The following SHCBP1L variants were observed in gnomAD, a reference collection of about 807,000 sequenced individuals.
SHCBP1L encodes SHC binding and spindle associated 1 like, also known as testicular spindle-associated protein SHCBP1L.
Under a neutral mutation model 62.5 loss-of-function variants are expected in SHCBP1L, and 67 were observed. That is an observed-to-expected ratio of 1.07 (90% CI 0.88 to 1.31). The LOEUF (loss-of-function observed/expected upper bound fraction) is 1.31, where lower values mean the gene tolerates loss of function less well. Among genes scored for constraint, SHCBP1L ranks in the 40% most tolerant of loss-of-function variants. The probability of loss-of-function intolerance (pLI) is 0.00; values close to 1 mark genes in which losing one functional copy is unlikely to be tolerated. For synonymous variants in SHCBP1L, 284 were observed against 289.4 expected, an observed-to-expected ratio of 0.98 and a Z score of 0.19; for missense variants, 823 against 809.8, an observed-to-expected ratio of 1.02 and a Z score of -0.20.
At chr1:182,935,065 A>C (rs560751973) in intron 5 of SHCBP1L, among the ~76,000 whole-genome samples, 3 of 152,106 alleles carry the variant, frequency 2.0e-5, no homozygotes, top group African/African-American at 7.2e-5. Flanking sequence ...CCATTAATCT[A>C]TTCTTTGACT....
At chr1:182,910,484 T>C (rs1650143915) in intron 6 of SHCBP1L, among the ~76,000 whole-genome samples, 1 of 152,222 alleles carries the variant, frequency 6.6e-6, no homozygotes, top group Non-Finnish European at 1.5e-5. Context: ...AGATGATATT[T>C]TTTTTCACCC....
In SHCBP1L at chr1:182,930,551, GTATATATATATATATA is replaced by G. The variant is rs10536791; in HGVS notation, c.1077-815_1077-800del. Among the ~76,000 whole-genome samples the G allele has an allele frequency of 2.5e-3, 122 of 49,462 alleles. 1 individual carries two copies. The highest frequency in any genetic ancestry group is 5.2e-3 in the African/African-American group (59 of 11,266). 32.4% of individuals were successfully genotyped at this position (49,462 alleles called of 152,430 possible). Reference sequence around the variant, plus strand: ...AAGAGGATGTGGCTTTAGTGTGTGTGTATATATATATATATATATATATATATATATATATATATAT... The same window carrying G: ...AAGAGGATGTGGCTTTAGTGTGTGTGTATATATATATATATATATATATAT... On this transcript the variant is annotated intron_variant, in intron 5 of 9. Coordinates refer to ENST00000367547, the MANE Select transcript of SHCBP1L (RefSeq NM_030933.4).
intron 2 of SHCBP1L, among the ~76,000 whole-genome samples, 190 bp from the exon 3 acceptor site, chr1:182,940,733 TTAAA>T (rs778104839): frequency 6.6e-5 from 10 of 152,322 alleles, no homozygotes; most frequent in Admixed American, 2.0e-4. Flanking sequence ...ACCCTACTTC[TTAAA>T]TACATTTTTT....
At chr1:182,924,942 G>GA (rs1557997107) in intron 6 of SHCBP1L, among the ~76,000 whole-genome samples, 1 of 104,558 alleles carries the variant, frequency 9.6e-6, no homozygotes, top group African/African-American at 4.3e-5. Context: ...AAGGAAGAAA[G>GA]AAAGAAAGAA....
At chr1:182,933,790 G>C (rs984604593) in intron 5 of SHCBP1L, among the ~76,000 whole-genome samples, 1 of 152,022 alleles carries the variant, frequency 6.6e-6, no homozygotes, top group African/African-American at 2.4e-5. Context: ...ATTCGTGTAG[G>C]TTTTCTTTTC....
chr1:182,919,709 A>G (rs2101931744), intron 6 of SHCBP1L, among the ~76,000 whole-genome samples: 1 of 152,344 alleles, frequency 6.6e-6, no homozygotes, highest in Non-Finnish European at 1.5e-5. Flanking sequence ...AATTATAAGC[A>G]TAAAACTGGA....
chr1:182,918,193 T>C (rs573063311), intron 6 of SHCBP1L, among the ~76,000 whole-genome samples: 10 of 147,206 alleles, frequency 6.8e-5, no homozygotes, highest in Non-Finnish European at 1.2e-4. Context: ...TATATACACA[T>C]ATATATACAT....
At chr1:182,937,657 T>C (rs1651223975) in intron 5 of SHCBP1L, among the ~76,000 whole-genome samples, 1 of 152,220 alleles carries the variant, frequency 6.6e-6, no homozygotes, top group Non-Finnish European at 1.5e-5. Flanking sequence ...ACACATATGT[T>C]AACACCTTTT....
At chr1:182,925,141 T>C (rs1650703038) in intron 6 of SHCBP1L, among the ~76,000 whole-genome samples, 1 of 151,762 alleles carries the variant, frequency 6.6e-6, no homozygotes, top group African/African-American at 2.4e-5. Flanking sequence ...AGGGATCACA[T>C]ATGAAATAGT....
intron 6 of SHCBP1L, among the ~76,000 whole-genome samples, chr1:182,924,711 A>AGAAG (rs1650632644): frequency 2.3e-5 from 1 of 43,794 alleles, no homozygotes; most frequent in African/African-American, 2.1e-4. Context: ...GAAGAAAGAA[A>AGAAG]GAAAGAAAGA....
At chr1:182,927,114 A>G (rs1224640039) in intron 6 of SHCBP1L, among the ~76,000 whole-genome samples, 2 of 107,044 alleles carry the variant, frequency 1.9e-5, no homozygotes, top group South Asian at 3.1e-4. Context: ...ATATATATAT[A>G]CTCTCTCTCT....
Position 182,905,649 on chromosome 1 carries a change from T to A in SHCBP1L, c.1183A>T (p.Ile395Leu), listed in dbSNP as rs756270665. 3.1e-6 allele frequency: 5 copies of A among 1,609,134 alleles called. No individual in the cohort carries two copies. The highest frequency in any genetic ancestry group is 4.2e-6 in the Non-Finnish European group (5 of 1,178,868). Residue 395 changes from isoleucine (I) to leucine (L), a missense_variant and splice_region_variant, in exon 7 of 10, where the codon ATA becomes TTA. Coordinates refer to ENST00000367547, the MANE Select transcript of SHCBP1L (RefSeq NM_030933.4). ...AGTGTGTCTGAAGATAAATCCTTTA[T>A]CTAAAAAGAAATAAAACACTTGCGC... ...IVAKMMTTEM[I>L]KDLSSDTLLQ...
chr1:182,943,154 T>C (rs1451558669), intron 2 of SHCBP1L, among the ~76,000 whole-genome samples: 6 of 152,168 alleles, frequency 3.9e-5, no homozygotes, highest in African/African-American at 7.2e-5. Flanking sequence ...TTTCACTCTG[T>C]TGCCCAGGCT....
chr1:182,952,238 A>AC (rs1651798116), intron 1 of SHCBP1L, among the ~76,000 whole-genome samples: 1 of 83,908 alleles, frequency 1.2e-5, no homozygotes, highest in Non-Finnish European at 2.1e-5. Context: ...ATATATATAC[A>AC]CACACACACA....
chr1:182,942,576 T>C (rs1393752369), intron 2 of SHCBP1L, among the ~76,000 whole-genome samples: 1 of 152,230 alleles, frequency 6.6e-6, no homozygotes, highest in Non-Finnish European at 1.5e-5. Context: ...GCTATATTGT[T>C]TATTCATCTT....
chr1:182,917,275 G>A (rs1650383659), intron 6 of SHCBP1L, among the ~76,000 whole-genome samples: 1 of 152,142 alleles, frequency 6.6e-6, no homozygotes, highest in Admixed American at 6.5e-5. Flanking sequence ...TGATGATGAA[G>A]TGAGATTTAT....
intron 6 of SHCBP1L, among the ~76,000 whole-genome samples, chr1:182,910,657 T>C (rs1470828904): frequency 6.6e-6 from 1 of 152,152 alleles, no homozygotes; most frequent in Non-Finnish European, 1.5e-5. Context: ...AAATCAGTAG[T>C]GAAATGCACA....
intron 6 of SHCBP1L, among the ~76,000 whole-genome samples, chr1:182,916,556 A>G (rs1650360766): frequency 6.6e-6 from 1 of 152,174 alleles, no homozygotes; most frequent in South Asian, 2.1e-4. Flanking sequence ...ATTTATAATG[A>G]TATTCTATGA....
intron 6 of SHCBP1L, among the ~76,000 whole-genome samples, chr1:182,924,801 G>GAGAGAGAAAGA (rs1650660392): frequency 4.5e-5 from 5 of 111,732 alleles, no homozygotes; most frequent in Admixed American, 9.1e-5. Flanking sequence ...AGAAAGAAAG[G>GAGAGAGAAAGA]AAGGAAGGAA....
Sources: gnomAD v4.1 joint callset for allele counts (sites outside exome capture counted in the v4.1 genomes callset) on GRCh38, gnomAD v4.1.1 for gene constraint, MANE v1.5 for transcripts, NCBI Gene and HGNC (gene_info 2026-07-23, HGNC 2026-07-21) for gene names.